The following GRIK2 variants were observed in gnomAD, a reference collection of about 807,000 sequenced individuals.
The protein encoded by GRIK2 is glutamate ionotropic receptor kainate type subunit 2.
In GRIK2, 32 loss-of-function variants were observed where a neutral mutation model predicts 100.3. That is an observed-to-expected ratio of 0.32 (90% CI 0.24 to 0.43). GRIK2 has a LOEUF of 0.43. GRIK2 is among the 20% of genes least tolerant of loss of function. The pLI, the probability that GRIK2 is intolerant of heterozygous loss-of-function variation, is 1.00. For synonymous variants in GRIK2, 417 were observed against 389.4 expected, an observed-to-expected ratio of 1.07 and a Z score of -0.83; for missense variants, 843 against 1,114.9, an observed-to-expected ratio of 0.76 and a Z score of 3.47.
chr6:101,586,510 T>C (rs1372353362), intron 2 of GRIK2, among the ~76,000 whole-genome samples: 1 of 151,914 alleles, frequency 6.6e-6, no homozygotes, highest in Non-Finnish European at 1.5e-5. Flanking sequence ...TAGAGACCCA[T>C]AGGGAAAAAA....
intron 7 of GRIK2, among the ~76,000 whole-genome samples, chr6:101,726,974 A>G (rs565910177): frequency 6.6e-5 from 10 of 152,130 alleles, no homozygotes; most frequent in Non-Finnish European, 1.0e-4. Flanking sequence ...ACCTGTTTGA[A>G]AGTATTACAG....
intron 2 of GRIK2, among the ~76,000 whole-genome samples, chr6:101,429,925 A>G (rs1334291090): frequency 6.6e-6 from 1 of 152,330 alleles, no homozygotes; most frequent in Admixed American, 6.5e-5. Flanking sequence ...GTGTTCTGGC[A>G]GGAAAACACC....
intron 7 of GRIK2, among the ~76,000 whole-genome samples, chr6:101,788,453 T>C (rs1402645172): frequency 4.0e-5 from 6 of 151,104 alleles, no homozygotes; most frequent in Non-Finnish European, 8.8e-5. Flanking sequence ...AGTGAGAACA[T>C]GCAGTGTTTG....
chr6:101,395,933 T>C (rs934315059), intron 1 of GRIK2, among the ~76,000 whole-genome samples: 11 of 152,104 alleles, frequency 7.2e-5, no homozygotes, highest in Non-Finnish European at 1.2e-4. Context: ...AGGAAAAAAA[T>C]GAGACCATAG....
chr6:101,767,101 T>C (rs1001350898), intron 7 of GRIK2, among the ~76,000 whole-genome samples: 1 of 152,216 alleles, frequency 6.6e-6, no homozygotes, highest in Non-Finnish European at 1.5e-5. Context: ...CAGGTAAACA[T>C]TGAATACTAT....
At chr6:101,409,956 A>T (rs1288891027) in intron 2 of GRIK2, among the ~76,000 whole-genome samples, 2 of 152,066 alleles carry the variant, frequency 1.3e-5, no homozygotes, top group Non-Finnish European at 2.9e-5. Flanking sequence ...TACCTCAATT[A>T]TTACAAATAG....
intron 2 of GRIK2, among the ~76,000 whole-genome samples, chr6:101,574,056 G>A (rs557984151): frequency 1.1e-4 from 17 of 151,378 alleles, no homozygotes; most frequent in Non-Finnish European, 2.5e-4. Context: ...TTTATACTGA[G>A]AATAGAATTT....
At chr6:101,906,060 TAATA>T (rs1788200495) in intron 12 of GRIK2, among the ~76,000 whole-genome samples, 2 of 151,846 alleles carry the variant, frequency 1.3e-5, no homozygotes, top group Non-Finnish European at 3.0e-5. Flanking sequence ...TTTTATTGTA[TAATA>T]AATCATATAC....
At chr6:101,651,356 T>C (rs1346118899) in intron 4 of GRIK2, among the ~76,000 whole-genome samples, 2 of 152,146 alleles carry the variant, frequency 1.3e-5, no homozygotes, top group South Asian at 2.1e-4. Context: ...ATTCAACAAA[T>C]GTATTTGAGC....
chr6:101,919,511 G>A (rs1789356807), intron 12 of GRIK2, among the ~76,000 whole-genome samples: 1 of 151,778 alleles, frequency 6.6e-6, no homozygotes, highest in Non-Finnish European at 1.5e-5. Flanking sequence ...AACATTTTAA[G>A]CATGAGGTAA....
intron 14 of GRIK2, among the ~76,000 whole-genome samples, chr6:101,967,621 G>T (rs1459325987): frequency 1.3e-5 from 2 of 151,968 alleles, no homozygotes; most frequent in Non-Finnish European, 2.9e-5. Flanking sequence ...AAGTGAACAC[G>T]AAAACCCAAC....
Position 101,451,695 on chromosome 6 carries a change from A to G in GRIK2, c.115+52303A>G, listed in dbSNP as rs868362189. 4.4e-3 allele frequency among the ~76,000 whole-genome samples: 547 copies of G among 125,292 alleles called. 1 individual carries two copies. The highest frequency in any genetic ancestry group is 6.9e-3 in the Non-Finnish European group (394 of 57,446). The allele number at this position is 125,292 out of a possible 152,430, so 82.2% of individuals were successfully genotyped here. A position where few individuals can be genotyped will look rare whatever the true frequency, so the allele number is the denominator to read the frequency against. On this transcript the variant is annotated intron_variant, in intron 2 of 16. Transcript: ENST00000369134. ...TCTGAGAGCCCATTATTTATCTCTG[A>G]GGGGGGGGGGGGTGCCAAATACCTC... is the stretch of plus-strand genomic sequence containing the variant.
At chr6:101,568,129 T>C (rs776621361) in intron 2 of GRIK2, among the ~76,000 whole-genome samples, 2 of 152,038 alleles carry the variant, frequency 1.3e-5, no homozygotes, top group Non-Finnish European at 2.9e-5. Context: ...GTAGCTTTTT[T>C]GTCAAATTAA....
At chr6:102,056,815 C>T (rs1047114062) in intron 16 of GRIK2, among the ~76,000 whole-genome samples, 4 of 151,916 alleles carry the variant, frequency 2.6e-5, no homozygotes, top group Admixed American at 6.6e-5. Context: ...TGCTTGATTA[C>T]AGTACTTGAC....
chr6:101,626,460 T>G lies in GRIK2; in HGVS notation c.364T>G (p.Cys122Gly). 6.2e-7 allele frequency: 1 copy of G among 1,613,960 alleles called. No individual in the cohort carries two copies. The highest frequency in any genetic ancestry group is 8.5e-7 in the Non-Finnish European group (1 of 1,179,912). The change falls in exon 4 of 17, where the codon TGC (cysteine) becomes GGC (glycine). Residue 122 changes from cysteine to glycine, a missense_variant. Transcript: ENST00000369134. ...SSSANAVQSI[C>G]NALGVPHIQT... ...ATCAGCAAACGCAGTGCAGTCCATC[T>G]GCAATGCTCTGGGAGTTCCCCACAT...
chr6:102,017,161 A>C (rs1396804326), intron 14 of GRIK2, among the ~76,000 whole-genome samples: 14 of 152,326 alleles, frequency 9.2e-5, no homozygotes, highest in African/African-American at 3.4e-4. Flanking sequence ...ATTGCTAGTC[A>C]CTACAAAACA....
At chr6:101,826,547 A>T (rs989830685) in intron 10 of GRIK2, among the ~76,000 whole-genome samples, 6 of 152,068 alleles carry the variant, frequency 3.9e-5, no homozygotes, top group Non-Finnish European at 8.8e-5. Flanking sequence ...ATAATAAATT[A>T]GATTCAGAGA....
In GRIK2 at chr6:101,491,024, G is replaced by A. The variant is rs1469708976; in HGVS notation, c.115+91632G>A. ...GGGATTAGAAACGGTGAGAAAGTTGGCATTCAGACAGGTGTCTACCACTCC... is the reference window on the plus strand; with the variant it reads ...GGGATTAGAAACGGTGAGAAAGTTGACATTCAGACAGGTGTCTACCACTCC... On this transcript the variant is annotated intron_variant, in intron 2 of 16. Transcript: ENST00000369134. Among the ~76,000 whole-genome samples the A allele has an allele frequency of 1.2e-4, 18 of 145,748 alleles. 2 individuals carry two copies. Among genetic ancestry groups the A allele is most frequent in the Non-Finnish European group, 2.1e-4 (14 of 66,374 alleles).
intron 15 of GRIK2, among the ~76,000 whole-genome samples, chr6:102,044,811 C>T (rs1368489496): frequency 1.3e-5 from 2 of 151,850 alleles, no homozygotes; most frequent in African/African-American, 4.8e-5. Context: ...CCTTTTTTCA[C>T]TCTTCCTCCA....
Sources: gnomAD v4.1 joint callset for allele counts (sites outside exome capture counted in the v4.1 genomes callset) on GRCh38, gnomAD v4.1.1 for gene constraint, MANE v1.5 for transcripts, NCBI Gene and HGNC (gene_info 2026-07-23, HGNC 2026-07-21) for gene names.